The following TERF2 variants were observed in gnomAD, a reference collection of about 807,000 sequenced individuals.
TERF2 encodes telomeric repeat binding factor 2.
A neutral mutation model predicts 56.1 loss-of-function variants in TERF2; 16 were observed. That is an observed-to-expected ratio of 0.29 (90% CI 0.19 to 0.43). TERF2 has a LOEUF of 0.43. Among genes scored for constraint, TERF2 ranks in the 20% least tolerant of loss-of-function variants. TERF2 has a pLI of 1.00. For synonymous variants in TERF2, 296 were observed against 282.1 expected (o/e 1.05, Z -0.50); for missense variants, 547 against 712.9 (o/e 0.77, Z 2.65).
chr16:69,378,948 TG>T (rs1020222969), intron 3 of TERF2, among the ~76,000 whole-genome samples: 1 of 133,486 alleles, frequency 7.5e-6, no homozygotes, highest in African/African-American at 3.1e-5. Context: ...ATTAATTTCC[TG>T]TGGGGGGGGG....
intron 3 of TERF2, among the ~76,000 whole-genome samples, chr16:69,373,911 A>C (rs1198747454): frequency 6.6e-6 from 1 of 152,236 alleles, no homozygotes; most frequent in African/African-American, 2.4e-5. Flanking sequence ...ACACAGACTA[A>C]GGGGAAGAAT....
In TERF2 at chr16:69,385,985, T is replaced by C; in HGVS notation, c.-14A>G. 5 of 1,314,818 alleles carry C rather than the reference T, an allele frequency of 3.8e-6. No individual in the cohort carries two copies. The South Asian group carries it at 5.8e-5, about 15-fold the overall frequency. 81.4% of individuals were successfully genotyped at this position (1,314,818 alleles called of 1,614,324 possible). A position where few individuals can be genotyped will look rare whatever the true frequency, so the allele number is the denominator to read the frequency against. ...TCCCGCGGCCATGATAGAAACAGCG[T>C]TCCGAGCCGCCCGCGGGCTTCTGGG... On this transcript the variant is annotated 5_prime_UTR_variant, in exon 1 of 10. Coordinates refer to ENST00000254942, the MANE Select transcript of TERF2 (RefSeq NM_005652.5).
intron 3 of TERF2, among the ~76,000 whole-genome samples, chr16:69,379,770 T>C (rs1327660258): frequency 6.6e-6 from 1 of 152,226 alleles, no homozygotes; most frequent in Non-Finnish European, 1.5e-5. Context: ...AATTACGGCA[T>C]TTACTAAGAT....
At chr16:69,379,434 G>A (rs2013913064) in intron 3 of TERF2, among the ~76,000 whole-genome samples, 1 of 152,160 alleles carries the variant, frequency 6.6e-6, no homozygotes, top group African/African-American at 2.4e-5. Flanking sequence ...ATGCTTCAAG[G>A]ACATGCTATA....
At chr16:69,357,168 T>A (rs1203275453) in intron 9 of TERF2, 112 bp from the exon 10 acceptor site, 1 of 1,236,026 alleles carries the variant, frequency 8.1e-7, no homozygotes, top group Non-Finnish European at 1.1e-6. Flanking sequence ...CATCTGAACC[T>A]GAAATCACAG....
At chr16:69,381,963 A>T (rs963802902) in intron 3 of TERF2, among the ~76,000 whole-genome samples, 1 of 152,100 alleles carries the variant, frequency 6.6e-6, no homozygotes, top group African/African-American at 2.4e-5. Context: ...TGGTAGTTTT[A>T]AAAAAAATTG....
intron 3 of TERF2, 49 bp downstream of exon 3, chr16:69,384,531 G>C: frequency 8.8e-6 from 14 of 1,594,132 alleles, no homozygotes; most frequent in Non-Finnish European, 1.2e-5. Flanking sequence ...TATCCTCAAA[G>C]ACCCTTGATT....
In TERF2 at chr16:69,361,516, G is replaced by GT. The variant is rs2013138936; in HGVS notation, c.1341-28dup. 3 of 1,523,994 alleles carry GT rather than the reference G, an allele frequency of 2.0e-6. No homozygotes were observed. The East Asian group carries it at 6.7e-5, about 34-fold the overall frequency. The allele number at this position is 1,523,994 out of a possible 1,614,324, so 94.4% of individuals were successfully genotyped here. On this transcript the variant is annotated intron_variant, in intron 7 of 9. Coordinates refer to ENST00000254942, the MANE Select transcript of TERF2 (RefSeq NM_005652.5). ...TGAGGGGAGATCAAGGAGAGCACAG[G>GT]TATAAAACAAATTCACCCTGGATTG...
At chr16:69,368,510 G>C (rs758633586) in intron 5 of TERF2, 28 bp from the exon 6 acceptor site, 4 of 1,613,102 alleles carry the variant, frequency 2.5e-6, no homozygotes, top group Non-Finnish European at 3.4e-6. Flanking sequence ...TCATCAGGAA[G>C]AAGAGGCCAC....
chr16:69,385,336 T>C lies in TERF2; in HGVS notation c.475+55A>G, dbSNP rs2014154128. On this transcript the variant is annotated intron_variant, in intron 2 of 9. Coordinates refer to ENST00000254942, the MANE Select transcript of TERF2 (RefSeq NM_005652.5). ...AATCCTTCAGTTCTAGATATAAGTT[T>C]TAAAACAAAACCCTACGCAAGTAAG... The C allele has an allele frequency of 5.4e-6, 8 of 1,495,022 alleles. No homozygotes were observed. In the Admixed American group the frequency reaches 1.0e-4, roughly 19 times the overall value. The allele number at this position is 1,495,022 out of a possible 1,614,324, so 92.6% of individuals were successfully genotyped here. A position where few individuals can be genotyped will look rare whatever the true frequency, so the allele number is the denominator to read the frequency against.
chr16:69,372,341 A>G lies in TERF2; in HGVS notation c.621T>C (p.Cys207=). 6.2e-7 allele frequency: 1 copy of G among 1,607,958 alleles called. No homozygotes were observed. The highest frequency in any genetic ancestry group is 8.5e-7 in the Non-Finnish European group (1 of 1,177,100). ...CCTTTTCAAATTCTTTGTTTTTGAT[A>G]CAAATAATGACAGCCTAAAAAGGAG... ...KLVKEAAVII[C]IKNKEFEKAS... The change falls in exon 4 of 10, where the codon TGT becomes TGC. Residue 207 remains cysteine, a synonymous_variant. Coordinates refer to ENST00000254942, the MANE Select transcript of TERF2 (RefSeq NM_005652.5).
chr16:69,378,629 G>A (rs980428162), intron 3 of TERF2, among the ~76,000 whole-genome samples: 2 of 152,040 alleles, frequency 1.3e-5, no homozygotes, highest in Non-Finnish European at 2.9e-5. Flanking sequence ...GGTGACACCA[G>A]AGAAGGAAAA....
chr16:69,375,599 A>G (rs149146728), intron 3 of TERF2, among the ~76,000 whole-genome samples: 2,089 of 152,220 alleles, frequency 0.014, 23 homozygotes, highest in Middle Eastern at 0.034. Context: ...TGTAACTAAC[A>G]CTTTTTATAG....
intron 9 of TERF2, 30 bp downstream of exon 9, chr16:69,357,488 C>A (rs1406722915): frequency 6.3e-7 from 1 of 1,590,906 alleles, no homozygotes; most frequent in East Asian, 2.2e-5. Flanking sequence ...ACCCACATAA[C>A]CAGTAACAGA....
chr16:69,370,722 T>C, intron 4 of TERF2, 93 bp from the exon 5 acceptor site: 1 of 1,270,458 alleles, frequency 7.9e-7, no homozygotes. Flanking sequence ...TGAGAACTTC[T>C]GCAATGCCGT....
Position 69,368,466 on chromosome 16 carries a change from A to C in TERF2, c.857T>G (p.Leu286Trp). 4 of 1,614,138 alleles carry C rather than the reference A, an allele frequency of 2.5e-6. No homozygotes were observed. Among genetic ancestry groups the C allele is most frequent in the Middle Eastern group, 1.6e-4 (1 of 6,062 alleles). Reference sequence around the variant, plus strand: ...ACTTGAGGCAGCGGACTCAGATTTCAAAGCCTTTTTGGCCATCTGGGAAAG... The same window carrying C: ...ACTTGAGGCAGCGGACTCAGATTTCCAAGCCTTTTTGGCCATCTGGGAAAG... ...PYLLTMAKKA[L>W]KSESAASSTG... is the part of the protein sequence containing the mutation. The change falls in exon 6 of 10, where the codon TTG becomes TGG. Residue 286 changes from leucine to tryptophan, a missense_variant. This residue lies in a region of TERF2 where 97 missense variants were observed against 157.0 expected (regional missense o/e 0.62). Transcript: ENST00000254942.
intron 3 of TERF2, among the ~76,000 whole-genome samples, chr16:69,381,891 A>AT (rs777689536): frequency 1.5e-4 from 22 of 151,538 alleles, no homozygotes; most frequent in Non-Finnish European, 2.2e-4. Context: ...TCTTTTTTAA[A>AT]TTTTTTTTTA....
At chr16:69,358,686 G>T (rs2013013072) in intron 8 of TERF2, among the ~76,000 whole-genome samples, 1 of 152,206 alleles carries the variant, frequency 6.6e-6, no homozygotes, top group African/African-American at 2.4e-5. Context: ...TATGGAGAAA[G>T]TATCTGACAA....
chr16:69,366,874 C>A lies in TERF2; in HGVS notation c.1273G>T (p.Ala425Ser), dbSNP rs780031442. Residue 425 changes from alanine to serine, a missense_variant, in exon 7 of 10, where the codon GCC (alanine) becomes TCC (serine). By Grantham distance (99) the Ala-to-Ser change is moderately conservative. Transcript: ENST00000254942. Reference sequence around the variant, plus strand: ...GGCTTGGATGGTGGCGCTGAAGCGGCCTCCTGGGAGGAGTTGAGGCCTGCG... The same window carrying A: ...GGCTTGGATGGTGGCGCTGAAGCGGACTCCTGGGAGGAGTTGAGGCCTGCG... ...PSAGLNSSQE[A>S]ASAPPSKPTV... 3 of 1,614,210 alleles carry A rather than the reference C, an allele frequency of 1.9e-6. No individual in the cohort carries two copies. In the South Asian group the frequency reaches 3.3e-5, roughly 18 times the overall value.
Sources: gnomAD v4.1 joint callset for allele counts (sites outside exome capture counted in the v4.1 genomes callset) on GRCh38, gnomAD v4.1.1 for gene constraint, gnomAD v4.1.1 regional missense constraint, MANE v1.5 for transcripts, NCBI Gene and HGNC (gene_info 2026-07-23, HGNC 2026-07-21) for gene names.